PLD5: variants seen among roughly 807,000 people sequenced by gnomAD.
The protein encoded by PLD5 is phospholipase D family member 5.
In PLD5, 36 loss-of-function variants were observed where a neutral mutation model predicts 61.1. The observed-to-expected ratio is 0.59, with a 90% CI of 0.45 to 0.78. PLD5 has a LOEUF of 0.78. PLD5 is among the 30% of genes least tolerant of loss of function. The pLI, the probability that PLD5 is intolerant of heterozygous loss-of-function variation, is 0.00. For missense variants in PLD5, 515 were observed against 644.4 expected, an observed-to-expected ratio of 0.80 and a Z score of 2.17; for synonymous variants, 243 against 242.8, an observed-to-expected ratio of 1.00 and a Z score of -0.01.
At chr1:242,178,281 A>G (rs2148894981) in intron 5 of PLD5, 1 of 152,248 alleles carries the variant, frequency 6.6e-6, no homozygotes, top group South Asian at 2.1e-4. Context: ...GCTCTAACCT[A>G]TCTTGTGTTC....
At chr1:242,349,002 C>A (rs570723634) in intron 1 of PLD5, among the ~76,000 whole-genome samples, 56 of 152,242 alleles carry the variant, frequency 3.7e-4, no homozygotes, top group Non-Finnish European at 7.2e-4. Context: ...TGCAGTGAGC[C>A]AAGATCGCAC....
intron 5 of PLD5, among the ~76,000 whole-genome samples, chr1:242,143,019 C>CT (rs981632467): frequency 1.7e-3 from 242 of 143,122 alleles, no homozygotes; most frequent in African/African-American, 2.0e-3. Context: ...TGCCTGGCCT[C>CT]TTTTTTTTTT....
chr1:242,265,023 G>A (rs1433500077), intron 4 of PLD5, among the ~76,000 whole-genome samples: 1 of 152,156 alleles, frequency 6.6e-6, no homozygotes, highest in African/African-American at 2.4e-5. Flanking sequence ...ATTCTGACGC[G>A]AAGTGGTTCT....
intron 5 of PLD5, among the ~76,000 whole-genome samples, chr1:242,164,131 C>T (rs1666119971): frequency 1.3e-5 from 2 of 151,208 alleles, no homozygotes; most frequent in Admixed American, 1.3e-4. Flanking sequence ...AAGTCAAACT[C>T]CTAATACCCA....
At chr1:242,398,986 G>A (rs1250979667) in intron 1 of PLD5, among the ~76,000 whole-genome samples, 1 of 152,188 alleles carries the variant, frequency 6.6e-6, no homozygotes, top group Non-Finnish European at 1.5e-5. Flanking sequence ...ATCCAAGGAA[G>A]ATGACACCAT....
intron 1 of PLD5, among the ~76,000 whole-genome samples, chr1:242,517,466 T>C (rs1236853309): frequency 1.3e-5 from 2 of 152,248 alleles, no homozygotes; most frequent in South Asian, 2.1e-4. Context: ...TTTTATCCTA[T>C]TAATATGATA....
At chr1:242,266,374 C>T (rs1295931979) in intron 3 of PLD5, among the ~76,000 whole-genome samples, 1 of 152,172 alleles carries the variant, frequency 6.6e-6, no homozygotes, top group African/African-American at 2.4e-5. Context: ...GAACAAGAAT[C>T]CATCTCAACA....
Position 242,200,263 on chromosome 1 carries a change from G to T in PLD5, c.735+19725C>A, listed in dbSNP as rs111949076. Among the ~76,000 whole-genome samples, 37 of 152,328 alleles carry T rather than the reference G, an allele frequency of 2.4e-4. 2 individuals carry two copies. The highest frequency in any genetic ancestry group is 8.9e-4 in the African/African-American group (37 of 41,568). ...ATGCCTGCGTTGATTTCAATGGTCA[G>T]TGTGTTTATTCCTGCCTTGTGGACA... On this transcript the variant is annotated intron_variant, in intron 5 of 9. Coordinates refer to ENST00000536534, the MANE Select transcript of PLD5 (RefSeq NM_001372062.1).
chr1:242,402,403 AAG>A (rs1663989289), intron 1 of PLD5, among the ~76,000 whole-genome samples: 1 of 152,232 alleles, frequency 6.6e-6, no homozygotes, highest in South Asian at 2.1e-4. Flanking sequence ...TGGAAAAATA[AAG>A]AGTTATAAGG....
At position 242,084,374 on chromosome 1, in the gene PLD5, ATCC is replaced by A. The variant is rs1659363936; in HGVS notation, c.*5477_*5479del. ...ACCCACCTTATTACATGCTGTGCAT[ATCC>A]TTTCAGAGATAAGACTGCCTCAAAT... On this transcript the variant is annotated 3_prime_UTR_variant, in exon 10 of 10. Coordinates refer to ENST00000536534, the MANE Select transcript of PLD5 (RefSeq NM_001372062.1). 1 of 152,082 alleles carries A rather than the reference ATCC, an allele frequency of 6.6e-6. No individual in the cohort carries two copies. Among genetic ancestry groups the A allele is most frequent in the South Asian group, 2.1e-4 (1 of 4,822 alleles). 9.4% of individuals were successfully genotyped at this position (152,082 alleles called of 1,614,324 possible).
At chr1:242,406,781 T>A (rs1049548643) in intron 1 of PLD5, among the ~76,000 whole-genome samples, 1 of 152,204 alleles carries the variant, frequency 6.6e-6, no homozygotes, top group South Asian at 2.1e-4. Flanking sequence ...ACCATGAATA[T>A]TGAACTAGGA....
intron 1 of PLD5, among the ~76,000 whole-genome samples, chr1:242,512,452 G>C (rs111804651): frequency 4.6e-5 from 7 of 151,040 alleles, no homozygotes; most frequent in African/African-American, 1.7e-4. Context: ...TGGTGGGTTT[G>C]ACACATTCCC....
intron 1 of PLD5, among the ~76,000 whole-genome samples, chr1:242,354,657 C>T (rs1425608512): frequency 4.6e-5 from 7 of 151,864 alleles, no homozygotes; most frequent in Non-Finnish European, 8.8e-5. Flanking sequence ...CAAGGACGTC[C>T]AATACTATGT....
At chr1:242,157,985 C>T (rs1205901053) in intron 5 of PLD5, among the ~76,000 whole-genome samples, 1 of 150,420 alleles carries the variant, frequency 6.6e-6, no homozygotes, top group Non-Finnish European at 1.5e-5. Context: ...GGACTGTTGC[C>T]TTTTTTTCAG....
At position 242,503,905 on chromosome 1, in the gene PLD5, G is replaced by A. The variant is rs79936359; in HGVS notation, c.189+20183C>T. Among the ~76,000 whole-genome samples, 993 of 152,322 alleles carry A rather than the reference G, an allele frequency of 6.5e-3. 10 individuals carry two copies. The highest frequency in any genetic ancestry group is 0.023 in the African/African-American group (947 of 41,564). Reference sequence around the variant, plus strand: ...AGAACCCTGACGATGCTGTTAAGCTGCTGAATTAACAACTCTTCACATTTT... The same window carrying A: ...AGAACCCTGACGATGCTGTTAAGCTACTGAATTAACAACTCTTCACATTTT... On this transcript the variant is annotated intron_variant, in intron 1 of 9. Transcript: ENST00000536534.
chr1:242,325,739 AT>A (rs927542951), intron 2 of PLD5, among the ~76,000 whole-genome samples: 10 of 151,526 alleles, frequency 6.6e-5, no homozygotes, highest in African/African-American at 2.2e-4. Flanking sequence ...ACCTGGAGTA[AT>A]GAGAATAGGC....
intron 5 of PLD5, among the ~76,000 whole-genome samples, chr1:242,165,537 T>TAAAC (rs560620174): frequency 1.2e-3 from 188 of 151,812 alleles, no homozygotes; most frequent in African/African-American, 4.3e-3. Context: ...TTCACAATGG[T>TAAAC]AAACACTTGG....
chr1:242,235,345 C>A (rs1304181040), intron 4 of PLD5: 1 of 152,130 alleles, frequency 6.6e-6, no homozygotes, highest in African/African-American at 2.4e-5. Flanking sequence ...TGTGGCCATT[C>A]AATTAGGTGA....
chr1:242,326,954 C>A (rs1312852868), intron 2 of PLD5, among the ~76,000 whole-genome samples: 1 of 152,096 alleles, frequency 6.6e-6, no homozygotes, highest in Admixed American at 6.5e-5. Flanking sequence ...CAACCTCCGC[C>A]TCCCAGATTC....
Sources: allele counts gnomAD v4.1 joint callset (sites outside exome capture counted in the v4.1 genomes callset), GRCh38; gene constraint gnomAD v4.1.1; transcripts MANE v1.5; gene names NCBI Gene and HGNC (gene_info 2026-07-23, HGNC 2026-07-21).